The following ITGA9 variants were observed in gnomAD, a reference collection of about 807,000 sequenced individuals.
The protein encoded by ITGA9 is integrin subunit alpha 9.
ITGA9 carries 56 observed loss-of-function variants against 127.8 expected under a neutral mutation model. That is an observed-to-expected ratio of 0.44 (90% CI 0.35 to 0.55). The LOEUF is 0.55. Ranked by LOEUF, ITGA9 falls within the 20% of genes least tolerant of loss-of-function variation. The pLI is 0.00. For synonymous variants in ITGA9, 508 were observed against 514.5 expected, an observed-to-expected ratio of 0.99 and a Z score of 0.17; for missense variants, 1,196 against 1,347.1, an observed-to-expected ratio of 0.89 and a Z score of 1.76.
At chr3:37,763,784 A>G (rs1696748232) in intron 23 of ITGA9, among the ~76,000 whole-genome samples, 1 of 152,236 alleles carries the variant, frequency 6.6e-6, no homozygotes, top group South Asian at 2.1e-4. Context: ...GCACATTTTT[A>G]TCTATGCTGC....
At chr3:37,526,149 TTCC>T in intron 13 of ITGA9, 78 bp downstream of exon 13, 1 of 1,236,658 alleles carries the variant, frequency 8.1e-7, no homozygotes, top group Non-Finnish European at 1.2e-6. Context: ...CATGGGCTCT[TTCC>T]TCTGTCCTGT....
intron 15 of ITGA9, among the ~76,000 whole-genome samples, chr3:37,569,501 T>C (rs1326732933): frequency 6.6e-6 from 1 of 152,204 alleles, no homozygotes; most frequent in Non-Finnish European, 1.5e-5. Flanking sequence ...GAGATATTGA[T>C]AAACCTTGGT....
chr3:37,510,804 A>C (rs564995240), intron 8 of ITGA9, among the ~76,000 whole-genome samples: 1 of 152,080 alleles, frequency 6.6e-6, no homozygotes, highest in African/African-American at 2.4e-5. Context: ...GCACCATTCC[A>C]TAGGCACCCC....
chr3:37,650,671 A>C (rs564819480), intron 16 of ITGA9, among the ~76,000 whole-genome samples: 31 of 152,052 alleles, frequency 2.0e-4, no homozygotes, highest in Admixed American at 7.2e-4. Flanking sequence ...ACTTCAGGTG[A>C]TCACCCGCCT....
intron 15 of ITGA9, among the ~76,000 whole-genome samples, chr3:37,601,244 C>A (rs1322696663): frequency 6.6e-6 from 1 of 152,204 alleles, no homozygotes; most frequent in African/African-American, 2.4e-5. Flanking sequence ...CCTATTTCTC[C>A]CTCCGTGACA....
At position 37,784,964 on chromosome 3, in the gene ITGA9, GT is replaced by G. The variant is rs1163016917; in HGVS notation, c.2788-10del. ...GAAAAATCTTCAAGTAAGTTGTGTT[GT>G]TTCTTCCACAGGACAGTTCGTCTGT... is the stretch of plus-strand genomic sequence containing the variant. On this transcript the variant is annotated splice_polypyrimidine_tract_variant and intron_variant, in intron 25 of 27. Coordinates refer to ENST00000264741, the MANE Select transcript of ITGA9 (RefSeq NM_002207.3). 4 of 1,606,830 alleles carry G rather than the reference GT, an allele frequency of 2.5e-6. No homozygotes were observed. The highest frequency in any genetic ancestry group is 3.4e-6 in the Non-Finnish European group (4 of 1,173,458).
chr3:37,494,656 C>T, intron 5 of ITGA9, 88 bp downstream of exon 5: 4 of 1,034,814 alleles, frequency 3.9e-6, no homozygotes, highest in Non-Finnish European at 4.5e-6. Flanking sequence ...AGAGGTGGGA[C>T]TTCTGGAGTC....
At chr3:37,456,972 CAGAG>C (rs1414263506) in intron 1 of ITGA9, among the ~76,000 whole-genome samples, 33 of 152,116 alleles carry the variant, frequency 2.2e-4, no homozygotes, top group Non-Finnish European at 3.2e-4. Context: ...GGACACAACA[CAGAG>C]AGAACATTTT....
intron 18 of ITGA9, among the ~76,000 whole-genome samples, chr3:37,708,953 T>C (rs1023469383): frequency 1.3e-5 from 2 of 151,564 alleles, no homozygotes; most frequent in African/African-American, 4.9e-5. Context: ...CACCAGACTT[T>C]CTGGCTTAAA....
chr3:37,652,270 A>G (rs1700436357), intron 16 of ITGA9, among the ~76,000 whole-genome samples: 1 of 152,212 alleles, frequency 6.6e-6, no homozygotes, highest in South Asian at 2.1e-4. Flanking sequence ...CTCAAAGCTC[A>G]TAAAGCCCAC....
At chr3:37,567,430 G>T (rs369150555) in intron 15 of ITGA9, among the ~76,000 whole-genome samples, 1 of 151,974 alleles carries the variant, frequency 6.6e-6, no homozygotes, top group Non-Finnish European at 1.5e-5. Context: ...ATTCCGCCCC[G>T]GCCCCTTCCA....
intron 15 of ITGA9, among the ~76,000 whole-genome samples, chr3:37,550,191 A>C (rs1021568694): frequency 6.6e-6 from 1 of 152,198 alleles, no homozygotes; most frequent in Non-Finnish European, 1.5e-5. Flanking sequence ...GGTTTAAACC[A>C]CTACATTGTA....
chr3:37,813,813 C>G (rs1697397295), intron 27 of ITGA9, among the ~76,000 whole-genome samples: 1 of 152,092 alleles, frequency 6.6e-6, no homozygotes, highest in Non-Finnish European at 1.5e-5. Context: ...ACATCTGATC[C>G]AGAGCTGCAT....
intron 25 of ITGA9, among the ~76,000 whole-genome samples, chr3:37,784,327 A>G (rs1697013364): frequency 6.6e-6 from 1 of 152,188 alleles, no homozygotes; most frequent in South Asian, 2.1e-4. Context: ...ATCTGAGCCC[A>G]CAGGAAGACC....
At position 37,453,127 on chromosome 3, in the gene ITGA9, C is replaced by T. The variant is rs1057077288; in HGVS notation, c.185+568C>T. Among the ~76,000 whole-genome samples the T allele has an allele frequency of 3.3e-4, 50 of 151,352 alleles. No homozygotes were observed. In the Middle Eastern group the frequency reaches 0.01, roughly 31 times the overall value. ...CCAGAGCCCCGGCGCCCCCCCCCCC[C>T]CCCAGCTCCTACAAGACCCTGGGTG... On this transcript the variant is annotated intron_variant, in intron 1 of 27. Coordinates refer to ENST00000264741, the MANE Select transcript of ITGA9 (RefSeq NM_002207.3).
At chr3:37,552,959 G>A (rs1699393044) in intron 15 of ITGA9, among the ~76,000 whole-genome samples, 1 of 149,968 alleles carries the variant, frequency 6.7e-6, no homozygotes, top group African/African-American at 2.5e-5. Context: ...AGGTTGCAGT[G>A]AGCCAAGATT....
At chr3:37,685,974 T>C (rs1275074043) in intron 18 of ITGA9, among the ~76,000 whole-genome samples, 1 of 152,270 alleles carries the variant, frequency 6.6e-6, no homozygotes, top group African/African-American at 2.4e-5. Flanking sequence ...ATGGATATAC[T>C]GTGGATTTAC....
At chr3:37,495,203 T>C (rs1346423500) in intron 5 of ITGA9, among the ~76,000 whole-genome samples, 2 of 152,098 alleles carry the variant, frequency 1.3e-5, no homozygotes, top group Non-Finnish European at 2.9e-5. Context: ...TCTGCCAGTC[T>C]CGGCTTCCCA....
chr3:37,790,074 G>A, intron 26 of ITGA9: 1 of 553,190 alleles, frequency 1.8e-6, no homozygotes. Context: ...GTTTATGATT[G>A]TTAAGAAGTG....
Sources: allele counts gnomAD v4.1 joint callset (sites outside exome capture counted in the v4.1 genomes callset), GRCh38; gene constraint gnomAD v4.1.1; transcripts MANE v1.5; gene names NCBI Gene and HGNC (gene_info 2026-07-23, HGNC 2026-07-21).